Variants in GRID2 observed in about 807,000 individuals in gnomAD.
The protein encoded by GRID2 is glutamate receptor ionotropic, delta-2.
GRID2 carries 33 observed loss-of-function variants against 114.8 expected under a neutral mutation model. The ratio of observed to expected loss-of-function variants is 0.29; its 90% CI spans 0.22 to 0.38. The LOEUF is 0.38. Among genes scored for constraint, GRID2 ranks in the 10% least tolerant of loss-of-function variants. The pLI is 1.00. For synonymous variants in GRID2, 505 were observed against 449.9 expected (o/e 1.12, Z -1.55); for missense variants, 1,184 against 1,257.7 (o/e 0.94, Z 0.89).
chr4:93,698,006 A>T (rs1168480680), intron 14 of GRID2, among the ~76,000 whole-genome samples: 4 of 151,752 alleles, frequency 2.6e-5, no homozygotes, highest in Admixed American at 2.0e-4. Flanking sequence ...ATCTATGCTT[A>T]CTATAAAAGT....
intron 2 of GRID2, among the ~76,000 whole-genome samples, chr4:92,936,947 TC>T (rs964517712): frequency 2.0e-5 from 3 of 146,766 alleles, no homozygotes; most frequent in African/African-American, 7.3e-5. Context: ...ATGTTGAGCA[TC>T]TTTTCATGTG....
intron 8 of GRID2, among the ~76,000 whole-genome samples, chr4:93,347,826 G>T (rs574477320): frequency 7.2e-5 from 11 of 151,850 alleles, no homozygotes; most frequent in African/African-American, 2.7e-4. Context: ...TCCAGAGTAC[G>T]CAACTTAAAC....
chr4:92,414,625 CAT>C (rs1249911295), intron 1 of GRID2, among the ~76,000 whole-genome samples: 3 of 152,102 alleles, frequency 2.0e-5, no homozygotes, highest in Non-Finnish European at 4.4e-5. Flanking sequence ...CAAAGGCAAA[CAT>C]ATGGTTGTGG....
At chr4:93,239,235 T>C (rs999491188) in intron 8 of GRID2, among the ~76,000 whole-genome samples, 6 of 148,324 alleles carry the variant, frequency 4.0e-5, no homozygotes, top group Admixed American at 6.8e-5. Flanking sequence ...CACATATAGA[T>C]ATATTTGGTA....
At chr4:93,051,711 CA>C (rs1405782815) in intron 2 of GRID2, among the ~76,000 whole-genome samples, 7 of 151,956 alleles carry the variant, frequency 4.6e-5, no homozygotes, top group African/African-American at 1.4e-4. Context: ...GGAAGAAGAT[CA>C]CTAATTGATT....
At chr4:92,443,838 C>A (rs934547926) in intron 1 of GRID2, among the ~76,000 whole-genome samples, 1 of 152,174 alleles carries the variant, frequency 6.6e-6, no homozygotes, top group Non-Finnish European at 1.5e-5. Flanking sequence ...ATCAGAGAGG[C>A]GTCCCTGCAA....
intron 2 of GRID2, among the ~76,000 whole-genome samples, chr4:92,920,348 T>C (rs1749207630): frequency 1.3e-5 from 2 of 152,232 alleles, no homozygotes; most frequent in African/African-American, 2.4e-5. Context: ...CCCATTTACA[T>C]TTAAAATTCA....
intron 1 of GRID2, among the ~76,000 whole-genome samples, chr4:92,549,126 A>G (rs2149170922): frequency 6.6e-6 from 1 of 151,786 alleles, no homozygotes; most frequent in Admixed American, 6.6e-5. Flanking sequence ...CTTCCGCAAA[A>G]AAAAAAAAAA....
intron 1 of GRID2, among the ~76,000 whole-genome samples, chr4:92,341,506 A>G (rs1305882484): frequency 3.9e-5 from 6 of 152,160 alleles, no homozygotes; most frequent in Admixed American, 3.9e-4. Flanking sequence ...ATTGCAATCC[A>G]GCTTCCCCAA....
At chr4:93,363,195 C>T (rs965105417) in intron 8 of GRID2, among the ~76,000 whole-genome samples, 12 of 152,130 alleles carry the variant, frequency 7.9e-5, no homozygotes, top group African/African-American at 1.7e-4. Flanking sequence ...CCAGCCTGGA[C>T]GACAGAGTGA....
At chr4:92,794,905 T>TATATATATATATATACACACACACAC (rs745392261) in intron 2 of GRID2, among the ~76,000 whole-genome samples, 2 of 127,814 alleles carry the variant, frequency 1.6e-5, no homozygotes, top group African/African-American at 6.2e-5. Flanking sequence ...TATATATATA[T>TATATATATATATATACACACACACAC]ACACACACAC....
intron 14 of GRID2, among the ~76,000 whole-genome samples, chr4:93,697,080 TG>T (rs1363855627): frequency 6.6e-6 from 1 of 152,200 alleles, no homozygotes; most frequent in Non-Finnish European, 1.5e-5. Flanking sequence ...GATTATTCAA[TG>T]GTTTTACAAA....
intron 8 of GRID2, among the ~76,000 whole-genome samples, chr4:93,349,357 G>T (rs1389528116): frequency 1.3e-5 from 2 of 151,908 alleles, no homozygotes; most frequent in Non-Finnish European, 2.9e-5. Flanking sequence ...TAACACAACT[G>T]CATACTTTTT....
At chr4:92,431,525 G>A (rs1732449118) in intron 1 of GRID2, among the ~76,000 whole-genome samples, 1 of 147,774 alleles carries the variant, frequency 6.8e-6, no homozygotes, top group Admixed American at 6.7e-5. Context: ...TTGCATCAGT[G>A]TTCAACAGGG....
At chr4:92,549,427 T>A (rs1335030947) in intron 1 of GRID2, among the ~76,000 whole-genome samples, 1 of 152,140 alleles carries the variant, frequency 6.6e-6, no homozygotes, top group East Asian at 1.9e-4. Context: ...CATTCTTCAC[T>A]CATTGGATGA....
At chr4:93,101,662 A>C (rs1342856921) in intron 3 of GRID2, among the ~76,000 whole-genome samples, 4 of 152,128 alleles carry the variant, frequency 2.6e-5, no homozygotes, top group Non-Finnish European at 5.9e-5. Flanking sequence ...TTTAGTAGAG[A>C]GATTAAAATT....
chr4:93,599,282 T>G (rs1739433695), intron 13 of GRID2, among the ~76,000 whole-genome samples: 1 of 152,132 alleles, frequency 6.6e-6, no homozygotes, highest in African/African-American at 2.4e-5. Flanking sequence ...AGAGAAAAAT[T>G]TTATAGCACT....
chr4:92,525,046 C>T (rs111716740), intron 1 of GRID2, among the ~76,000 whole-genome samples: 51 of 151,664 alleles, frequency 3.4e-4, no homozygotes, highest in African/African-American at 1.2e-3. Context: ...TATACTCTCT[C>T]AGTATAAAAG....
At chr4:93,465,185 T>C (rs1446302764) in intron 11 of GRID2, among the ~76,000 whole-genome samples, 5 of 152,202 alleles carry the variant, frequency 3.3e-5, no homozygotes, top group Non-Finnish European at 4.4e-5. Flanking sequence ...GATATCCTGC[T>C]ATTTAGCGTA....
Sources: gnomAD v4.1 joint callset for allele counts (sites outside exome capture counted in the v4.1 genomes callset) on GRCh38, gnomAD v4.1.1 for gene constraint, MANE v1.5 for transcripts, NCBI Gene and HGNC (gene_info 2026-07-23, HGNC 2026-07-21) for gene names.